The following MARCHF1 variants were observed in gnomAD, a reference collection of about 807,000 sequenced individuals.
The protein encoded by MARCHF1 is membrane associated ring-CH-type finger 1.
Under a neutral mutation model 54.2 loss-of-function variants are expected in MARCHF1, and 40 were observed. The ratio of observed to expected loss-of-function variants is 0.74; its 90% CI spans 0.57 to 0.96. The LOEUF (loss-of-function observed/expected upper bound fraction) is 0.96, where lower values mean the gene tolerates loss of function less well. MARCHF1 is among the 40% of genes least tolerant of loss of function. The probability of loss-of-function intolerance (pLI) is 0.00; values close to 1 mark genes in which losing one functional copy is unlikely to be tolerated. For synonymous variants in MARCHF1, 236 were observed against 236.3 expected (o/e 1.00, Z 0.01); for missense variants, 586 against 656.5 (o/e 0.89, Z 1.17).
At chr4:163,971,259 G>C (rs929769859) in intron 3 of MARCHF1, among the ~76,000 whole-genome samples, 2 of 152,206 alleles carry the variant, frequency 1.3e-5, no homozygotes, top group African/African-American at 4.8e-5. Context: ...TATTATTTCA[G>C]ATAAATTCAG....
intron 2 of MARCHF1, among the ~76,000 whole-genome samples, chr4:164,046,328 G>C (rs941589611): frequency 6.6e-6 from 1 of 152,192 alleles, no homozygotes; most frequent in Non-Finnish European, 1.5e-5. Flanking sequence ...CAGAACAAAA[G>C]CTGTCAGTGT....
At chr4:163,630,086 T>G (rs1742019043) in intron 5 of MARCHF1, among the ~76,000 whole-genome samples, 1 of 152,208 alleles carries the variant, frequency 6.6e-6, no homozygotes, top group South Asian at 2.1e-4. Flanking sequence ...TTTATATACT[T>G]ACCTAAGAAA....
chr4:163,730,316 C>G (rs1285384935), intron 4 of MARCHF1, among the ~76,000 whole-genome samples: 1 of 152,070 alleles, frequency 6.6e-6, no homozygotes, highest in Non-Finnish European at 1.5e-5. Context: ...TTCCATTTCT[C>G]CCTTCAGCTC....
At chr4:163,992,902 A>G (rs1211627347) in intron 2 of MARCHF1, among the ~76,000 whole-genome samples, 12 of 151,924 alleles carry the variant, frequency 7.9e-5, no homozygotes, top group Admixed American at 7.9e-4. Flanking sequence ...AGTTGGAAAA[A>G]GAATATTTCA....
intron 3 of MARCHF1, 152 bp from the exon 4 acceptor site, chr4:163,854,321 T>C: frequency 1.8e-6 from 1 of 565,716 alleles, no homozygotes; most frequent in East Asian, 3.0e-5. Context: ...AAGAAGAATA[T>C]GCTGATTATT....
intron 1 of MARCHF1, among the ~76,000 whole-genome samples, chr4:164,346,510 G>T (rs1291848764): frequency 6.6e-6 from 1 of 151,288 alleles, no homozygotes; most frequent in Non-Finnish European, 1.5e-5. Flanking sequence ...TGGAGGCCAG[G>T]TCTTCATCTT....
In MARCHF1 at chr4:164,136,272, GAAAAAAAA is replaced by G. The variant is rs5863663; in HGVS notation, c.-322-24618_-322-24611del. Among the ~76,000 whole-genome samples the G allele has an allele frequency of 7.4e-5, 9 of 121,520 alleles. No individual in the cohort carries two copies. The East Asian group carries it at 2.1e-3, about 28-fold the overall frequency. 79.7% of individuals were successfully genotyped at this position (121,520 alleles called of 152,430 possible). ...TAAGTTCCAGCAAACAGTTGAAGTGGAAAAAAAAAAAAAAAAAGCCAAGAATAGATGCA... is the reference window on the plus strand; with the variant it reads ...TAAGTTCCAGCAAACAGTTGAAGTGGAAAAAAAAAGCCAAGAATAGATGCA... On this transcript the variant is annotated intron_variant, in intron 1 of 9. Transcript: ENST00000514618.
chr4:163,799,598 A>T (rs1748020881), intron 4 of MARCHF1, among the ~76,000 whole-genome samples: 1 of 152,152 alleles, frequency 6.6e-6, no homozygotes, highest in Non-Finnish European at 1.5e-5. Flanking sequence ...AGTTCTCAAC[A>T]AGATTCCGGA....
At chr4:164,150,530 C>T (rs1470325718) in intron 1 of MARCHF1, among the ~76,000 whole-genome samples, 1 of 152,112 alleles carries the variant, frequency 6.6e-6, no homozygotes, top group Non-Finnish European at 1.5e-5. Context: ...TGTGATTGTT[C>T]TGACCTTGCC....
intron 1 of MARCHF1, among the ~76,000 whole-genome samples, chr4:164,240,863 A>AT (rs1732721894): frequency 6.6e-6 from 1 of 152,116 alleles, no homozygotes; most frequent in South Asian, 2.1e-4. Flanking sequence ...AAAACTAATA[A>AT]AAAGCCACAG....
At chr4:163,955,213 A>T (rs1259929354) in intron 3 of MARCHF1, among the ~76,000 whole-genome samples, 5 of 131,828 alleles carry the variant, frequency 3.8e-5, no homozygotes, top group Non-Finnish European at 6.5e-5. Context: ...ACTGAACATT[A>T]AAAAAAAAAA....
At chr4:163,621,239 G>A (rs1482760573) in intron 5 of MARCHF1, among the ~76,000 whole-genome samples, 1 of 152,146 alleles carries the variant, frequency 6.6e-6, no homozygotes, top group African/African-American at 2.4e-5. Context: ...GTATTCTCCT[G>A]TTCAGAAGGA....
At position 163,613,358 on chromosome 4, in the gene MARCHF1, G is replaced by A. The variant is rs748892570; in HGVS notation, c.198C>T (p.Ser66=). Residue 66 remains serine, a synonymous_variant, in exon 6 of 10, where the codon AGC becomes AGT. Coordinates refer to ENST00000514618, the MANE Select transcript of MARCHF1 (RefSeq NM_001394959.1). ...ATGGACAGACAGACAACCTTGACTG[G>A]CTCCTGGGAGCTGTCCCTGTTGTTG... ...SSPTTGTAPR[S]QSRLSVCPST... 3 of 1,613,100 alleles carry A rather than the reference G, an allele frequency of 1.9e-6. No individual in the cohort carries two copies. The Admixed American group carries it at 5.0e-5, about 27-fold the overall frequency.
chr4:163,738,880 T>A (rs1383165690), intron 4 of MARCHF1, among the ~76,000 whole-genome samples: 3 of 152,194 alleles, frequency 2.0e-5, no homozygotes, highest in Non-Finnish European at 4.4e-5. Context: ...GGCCAGCAAC[T>A]AACCTCTACC....
At chr4:163,906,267 C>T (rs1446167953) in intron 3 of MARCHF1, among the ~76,000 whole-genome samples, 2 of 151,894 alleles carry the variant, frequency 1.3e-5, no homozygotes, top group Non-Finnish European at 2.9e-5. Flanking sequence ...TAAGCATTTC[C>T]CCAGTGCCTG....
intron 1 of MARCHF1, among the ~76,000 whole-genome samples, chr4:164,326,371 T>C (rs1029751575): frequency 2.6e-5 from 4 of 152,184 alleles, no homozygotes; most frequent in Non-Finnish European, 4.4e-5. Context: ...GGAAATTAAA[T>C]TTTCATGACC....
At chr4:164,031,385 T>A (rs1753874047) in intron 2 of MARCHF1, among the ~76,000 whole-genome samples, 1 of 152,010 alleles carries the variant, frequency 6.6e-6, no homozygotes, top group Non-Finnish European at 1.5e-5. Context: ...CTCTCTTTTA[T>A]TCTTTATTAG....
intron 1 of MARCHF1, among the ~76,000 whole-genome samples, chr4:164,281,793 T>C (rs1269285473): frequency 6.6e-6 from 1 of 152,204 alleles, no homozygotes; most frequent in Non-Finnish European, 1.5e-5. Context: ...AGCACCAGTG[T>C]CTACCATTCA....
intron 2 of MARCHF1, among the ~76,000 whole-genome samples, chr4:164,012,449 G>T (rs1160055125): frequency 1.3e-5 from 2 of 152,094 alleles, no homozygotes; most frequent in Non-Finnish European, 2.9e-5. Flanking sequence ...GGTCAGAAGG[G>T]ATTCCATTGC....
Sources: allele counts gnomAD v4.1 joint callset (sites outside exome capture counted in the v4.1 genomes callset), GRCh38; gene constraint gnomAD v4.1.1; transcripts MANE v1.5; gene names NCBI Gene and HGNC (gene_info 2026-07-23, HGNC 2026-07-21).